The following CAPN8 variants were observed in gnomAD, a reference collection of about 807,000 sequenced individuals.
CAPN8 encodes the protein calpain 8.
A neutral mutation model predicts 80.9 loss-of-function variants in CAPN8; 87 were observed. The ratio of observed to expected loss-of-function variants is 1.07; its 90% confidence interval spans 0.90 to 1.28. The LOEUF is 1.28. CAPN8 is among the 50% of genes most tolerant of loss of function. The pLI is 0.00. For missense variants in CAPN8, 757 were observed against 702.0 expected, an observed-to-expected ratio of 1.08 and a Z score of -0.89; for synonymous variants, 299 against 273.8, an observed-to-expected ratio of 1.09 and a Z score of -0.91.
chr1:223,627,522 C>G (rs1360916540), intron 4 of CAPN8, among the ~76,000 whole-genome samples: 1 of 152,154 alleles, frequency 6.6e-6, no homozygotes. Context: ...GGAAATAGAA[C>G]TGGAAAGGAA....
In CAPN8 at chr1:223,619,464, G is replaced by A; in HGVS notation, c.975-11C>T. 3.2e-6 allele frequency: 5 copies of A among 1,551,438 alleles called. No individual in the cohort carries two copies. Among genetic ancestry groups the A allele is most frequent in the Non-Finnish European group, 4.4e-6 (5 of 1,146,954 alleles). On this transcript the variant is annotated splice_polypyrimidine_tract_variant and intron_variant, in intron 8 of 20. Transcript: ENST00000366872. Reference sequence around the variant, plus strand: ...TCTGAAAGTGACATCCTGGGGCAGAGGCACCAGAGGGCTCTCAGTGAAGAG... The same window carrying A: ...TCTGAAAGTGACATCCTGGGGCAGAAGCACCAGAGGGCTCTCAGTGAAGAG...
intron 9 of CAPN8, chr1:223,617,271 C>CT (rs142474837): frequency 0.31 from 33,529 of 106,652 alleles, 4,490 homozygotes; most frequent in East Asian, 0.37. Context: ...CCCACTTCCA[C>CT]TTTTTTTTTG....
chr1:223,640,010 A>G (rs928297046), intron 2 of CAPN8, among the ~76,000 whole-genome samples: 8 of 152,194 alleles, frequency 5.3e-5, no homozygotes, highest in Non-Finnish European at 1.5e-5. Context: ...AAAGGTAGCA[A>G]GAAATTTCGG....
At position 223,550,971 on chromosome 1, in the gene CAPN8, G is replaced by C. The variant is rs1469115341; in HGVS notation, c.1688C>G (p.Ala563Gly). 1.4e-6 allele frequency: 1 copy of C among 718,056 alleles called. No homozygotes were observed. The highest frequency in any genetic ancestry group is 2.7e-5 in the East Asian group (1 of 37,280). The allele number at this position is 718,056 out of a possible 1,614,324, so 44.5% of individuals were successfully genotyped here. A position where few individuals can be genotyped will look rare whatever the true frequency, so the allele number is the denominator to read the frequency against. The part of the protein sequence containing the change: ...ANALKILLNE[A>G]FSKRTDIKFD... Reference sequence around the variant, plus strand: ...AAGAAGGAACTTACTCTTGGAAAACGCCTCATTCAAAAGTATCTTGAGTGC... The same window carrying C: ...AAGAAGGAACTTACTCTTGGAAAACCCCTCATTCAAAAGTATCTTGAGTGC... The change falls in exon 15 of 21, where the codon GCG becomes GGG. Residue 563 changes from alanine to glycine, a missense_variant. Ala to Gly is a moderately conservative substitution (Grantham distance 60, BLOSUM62 0). Coordinates refer to ENST00000366872, the MANE Select transcript of CAPN8 (RefSeq NM_001143962.2).
At position 223,618,091 on chromosome 1, in the gene CAPN8, C is replaced by A. The variant is rs969180372; in HGVS notation, c.1135+1202G>T. 9 of 780,076 alleles carry A rather than the reference C, an allele frequency of 1.2e-5. No individual in the cohort carries two copies. The African/African-American group carries it at 1.6e-4, about 13-fold the overall frequency. The allele number at this position is 780,076 out of a possible 1,614,324, so 48.3% of individuals were successfully genotyped here. A position where few individuals can be genotyped will look rare whatever the true frequency, so the allele number is the denominator to read the frequency against. On this transcript the variant is annotated intron_variant, in intron 9 of 20. Transcript: ENST00000366872. Reference sequence around the variant, plus strand: ...CTGTCATGAGAAGAAAGTGACTGGCCCTGCCCCATGCGCTTACAGTCTAAG... The same window carrying A: ...CTGTCATGAGAAGAAAGTGACTGGCACTGCCCCATGCGCTTACAGTCTAAG...
At chr1:223,655,957 G>A (rs1658473821) in intron 1 of CAPN8, among the ~76,000 whole-genome samples, 1 of 152,148 alleles carries the variant, frequency 6.6e-6, no homozygotes, top group Non-Finnish European at 1.5e-5. Context: ...ACTTCATAGA[G>A]GTGAAGAAAG....
intron 11 of CAPN8, among the ~76,000 whole-genome samples, chr1:223,609,870 G>T (rs1656988558): frequency 6.6e-6 from 1 of 152,186 alleles, no homozygotes; most frequent in Admixed American, 6.5e-5. Context: ...GTCAGTCTGG[G>T]AACCCAGGGA....
intron 2 of CAPN8, among the ~76,000 whole-genome samples, chr1:223,633,755 TAC>T (rs1657839081): frequency 6.6e-6 from 1 of 152,236 alleles, no homozygotes; most frequent in African/African-American, 2.4e-5. Context: ...AAATTCCCTT[TAC>T]ACATTAAAAT....
intron 13 of CAPN8, among the ~76,000 whole-genome samples, chr1:223,555,015 C>G (rs912788194): frequency 1.3e-5 from 2 of 152,214 alleles, no homozygotes; most frequent in African/African-American, 4.8e-5. Context: ...TAATTTCTTT[C>G]AAAACTATCA....
At chr1:223,545,199 G>A in intron 17 of CAPN8, 32 bp downstream of exon 17, 5 of 1,551,640 alleles carry the variant, frequency 3.2e-6, no homozygotes, top group Non-Finnish European at 4.4e-6. Flanking sequence ...TTAGAACAGA[G>A]GAGAGGATGC....
rs747963304 is a variant in CAPN8 at position 223,616,015 on chromosome 1, C to T, written c.1266G>A (p.Lys422=). Residue 422 remains lysine, a synonymous_variant, in exon 10 of 21, where the codon AAG becomes AAA. Coordinates refer to ENST00000366872, the MANE Select transcript of CAPN8 (RefSeq NM_001143962.2). ...TGCTAAGCATGCCTTGTCCTATCCG[C>T]TTCCGCCACCTGCGATTTTTCTGCA... ...GLMQKNRRWR[K]RIGQGMLSIG... is the part of the protein sequence containing the mutation. 4.6e-5 allele frequency: 72 copies of T among 1,552,204 alleles called. No homozygotes were observed. The highest frequency in any genetic ancestry group is 7.8e-5 in the Admixed American group (4 of 51,000).
At chr1:223,544,636 A>G in intron 18 of CAPN8, 136 bp downstream of exon 18, 1 of 1,247,464 alleles carries the variant, frequency 8.0e-7, no homozygotes, top group Non-Finnish European at 1.1e-6. Flanking sequence ...GGTACTCAAC[A>G]AAGCTCTGTT....
intron 2 of CAPN8, among the ~76,000 whole-genome samples, chr1:223,632,809 G>A (rs946831087): frequency 1.4e-4 from 21 of 152,234 alleles, no homozygotes; most frequent in Admixed American, 1.2e-3. Flanking sequence ...GGGCTGCTCA[G>A]GAGTTAGTGC....
At chr1:223,647,879 G>A (rs1030894668) in intron 2 of CAPN8, among the ~76,000 whole-genome samples, 1 of 152,186 alleles carries the variant, frequency 6.6e-6, no homozygotes, top group Admixed American at 6.5e-5. Flanking sequence ...AAATGGCAGT[G>A]AGCAGACGTG....
Position 223,553,818 on chromosome 1 carries a change from C to G in CAPN8, c.1641+14G>C, listed in dbSNP as rs1261860156. The G allele has an allele frequency of 2.5e-6, 1 of 398,578 alleles. No homozygotes were observed. The highest frequency in any genetic ancestry group is 1.3e-4 in the South Asian group (1 of 7,860). The allele number at this position is 398,578 out of a possible 1,614,324, so 24.7% of individuals were successfully genotyped here. On this transcript the variant is annotated intron_variant, in intron 14 of 20. Transcript: ENST00000366872. ...TCCTGCCCACCTGGGAAGCCATGTT[C>G]GCCCTCCACTCACCTTCCCTGCCAA...
rs1479965705 is a variant in CAPN8 at position 223,651,144 on chromosome 1, G to A, written c.307+3186C>T. ...GTGTGGGTGGCCCTTGCTAGGCCTG[G>A]TGAGAACAGGCTCCACTGAGAAGAC... On this transcript the variant is annotated intron_variant, in intron 2 of 20. Coordinates refer to ENST00000366872, the MANE Select transcript of CAPN8 (RefSeq NM_001143962.2). Among the ~76,000 whole-genome samples, 6 of 152,184 alleles carry A rather than the reference G, an allele frequency of 3.9e-5. No individual in the cohort carries two copies. In the East Asian group the frequency reaches 1.2e-3, roughly 29 times the overall value.
In CAPN8 at chr1:223,626,941, G is replaced by T; in HGVS notation, c.729+48C>A. ...TCTCATCCCTTCCCTACCACACAAG[G>T]GGTGGCGGTGGGGGGAGGTGGGGCA... is the stretch of plus-strand genomic sequence containing the variant. On this transcript the variant is annotated intron_variant, in intron 5 of 20. Coordinates refer to ENST00000366872, the MANE Select transcript of CAPN8 (RefSeq NM_001143962.2). 6 of 1,528,440 alleles carry T rather than the reference G, an allele frequency of 3.9e-6. No individual in the cohort carries two copies. The South Asian group carries it at 7.2e-5, about 18-fold the overall frequency. The allele number at this position is 1,528,440 out of a possible 1,614,324, so 94.7% of individuals were successfully genotyped here.
chr1:223,543,563 C>T (rs1656531587), intron 19 of CAPN8, among the ~76,000 whole-genome samples: 1 of 152,144 alleles, frequency 6.6e-6, no homozygotes, highest in Admixed American at 6.5e-5. Flanking sequence ...TAGAACGTAA[C>T]ACCTACCAAA....
intron 7 of CAPN8, among the ~76,000 whole-genome samples, chr1:223,621,705 T>C (rs1203655424): frequency 2.6e-5 from 4 of 152,006 alleles, no homozygotes; most frequent in Non-Finnish European, 5.9e-5. Context: ...ACATGAGCAG[T>C]CATGATGCTG....
Sources: gnomAD v4.1 joint callset for allele counts (sites outside exome capture counted in the v4.1 genomes callset) on GRCh38, gnomAD v4.1.1 for gene constraint, MANE v1.5 for transcripts, NCBI Gene and HGNC (gene_info 2026-07-23, HGNC 2026-07-21) for gene names.